PHKB: variants seen among roughly 807,000 people sequenced by gnomAD.
PHKB encodes the protein phosphorylase kinase regulatory subunit beta, also known as phosphorylase b kinase regulatory subunit beta.
In PHKB, 122 loss-of-function variants were observed where a neutral mutation model predicts 152.1. The ratio of observed to expected loss-of-function variants is 0.80; its 90% confidence interval spans 0.69 to 0.93. The LOEUF is 0.93. Ranked by LOEUF, PHKB falls within the 40% of genes least tolerant of loss-of-function variation. The pLI is 0.00. For missense variants in PHKB, 1,304 were observed against 1,328.4 expected, an observed-to-expected ratio of 0.98 and a Z score of 0.29; for synonymous variants, 436 against 464.9, an observed-to-expected ratio of 0.94 and a Z score of 0.80.
intron 18 of PHKB, among the ~76,000 whole-genome samples, chr16:47,649,569 C>T (rs1388822870): frequency 6.6e-6 from 1 of 151,906 alleles, no homozygotes; most frequent in African/African-American, 2.4e-5. Context: ...CCAGTAAAAC[C>T]TCAACTAACT....
intron 6 of PHKB, among the ~76,000 whole-genome samples, chr16:47,522,953 T>A (rs1212778838): frequency 6.6e-6 from 1 of 151,578 alleles, no homozygotes; most frequent in Non-Finnish European, 1.5e-5. Context: ...TATTGCCTTT[T>A]CAAGTCAATT....
chr16:47,571,587 G>T (rs929118045), intron 7 of PHKB, among the ~76,000 whole-genome samples: 4 of 152,128 alleles, frequency 2.6e-5, no homozygotes, highest in Non-Finnish European at 4.4e-5. Context: ...TCTCATGAAA[G>T]CCTGAGCCCA....
At chr16:47,473,238 T>TA (rs1885230269) in intron 1 of PHKB, among the ~76,000 whole-genome samples, 1 of 129,686 alleles carries the variant, frequency 7.7e-6, no homozygotes, top group African/African-American at 2.9e-5. Flanking sequence ...TTTTTTTTTT[T>TA]TTTTTTTTTT....
chr16:47,520,019 G>A (rs1970659619), intron 6 of PHKB, among the ~76,000 whole-genome samples: 1 of 151,922 alleles, frequency 6.6e-6, no homozygotes, highest in South Asian at 2.1e-4. Context: ...TTGTATGGAA[G>A]CTTTGTGTCC....
chr16:47,640,388 A>C (rs1054856413), intron 14 of PHKB, among the ~76,000 whole-genome samples: 1 of 152,236 alleles, frequency 6.6e-6, no homozygotes, highest in Non-Finnish European at 1.5e-5. Flanking sequence ...TGTATAATAC[A>C]TGTTATAGCG....
intron 26 of PHKB, among the ~76,000 whole-genome samples, chr16:47,683,911 C>T (rs1008137093): frequency 6.6e-6 from 1 of 152,158 alleles, no homozygotes; most frequent in Non-Finnish European, 1.5e-5. Context: ...GGCTCCACCT[C>T]CAATCATTTG....
chr16:47,598,748 G>A (rs1469494738), intron 13 of PHKB: 2 of 1,587,134 alleles, frequency 1.3e-6, no homozygotes, highest in Non-Finnish European at 1.7e-6. Flanking sequence ...TTTAGTTCAT[G>A]TTCAGCCTAA....
chr16:47,468,066 A>G (rs1403821343), intron 1 of PHKB, among the ~76,000 whole-genome samples: 1 of 152,206 alleles, frequency 6.6e-6, no homozygotes, highest in African/African-American at 2.4e-5. Flanking sequence ...ACTCAAGCTA[A>G]AAAGGTTATT....
chr16:47,594,026 T>G lies in PHKB; in HGVS notation c.1127-111T>G. 4.6e-6 allele frequency: 3 copies of G among 649,118 alleles called. No individual in the cohort carries two copies. In the South Asian group the frequency reaches 5.6e-5, roughly 12 times the overall value. The allele number at this position is 649,118 out of a possible 1,614,324, so 40.2% of individuals were successfully genotyped here. A position where few individuals can be genotyped will look rare whatever the true frequency, so the allele number is the denominator to read the frequency against. ...TTCCACTTTAATTTTACCATTGGCATAGAAAATTACCAAAATAATTGTAAC... is the reference window on the plus strand; with the variant it reads ...TTCCACTTTAATTTTACCATTGGCAGAGAAAATTACCAAAATAATTGTAAC... On this transcript the variant is annotated intron_variant, in intron 11 of 30. Coordinates refer to ENST00000323584, the MANE Select transcript of PHKB (RefSeq NM_000293.3).
intron 26 of PHKB, among the ~76,000 whole-genome samples, chr16:47,675,330 T>A (rs991886395): frequency 3.3e-5 from 5 of 152,130 alleles, no homozygotes; most frequent in East Asian, 1.9e-4. Context: ...AATGTGAAGA[T>A]GTTTTGCAAG....
chr16:47,694,072 A>G (rs1157676777), intron 28 of PHKB, among the ~76,000 whole-genome samples: 1 of 152,210 alleles, frequency 6.6e-6, no homozygotes, highest in Non-Finnish European at 1.5e-5. Context: ...GGAAATCACC[A>G]CTTAGGAATT....
At position 47,521,404 on chromosome 16, in the gene PHKB, A is replaced by G. The variant is rs1970683026; in HGVS notation, c.594+5803A>G. Among the ~76,000 whole-genome samples, 3 of 152,290 alleles carry G rather than the reference A, an allele frequency of 2.0e-5. No individual in the cohort carries two copies. The South Asian group carries it at 6.2e-4, about 32-fold the overall frequency. On this transcript the variant is annotated intron_variant, in intron 6 of 30. Coordinates refer to ENST00000323584, the MANE Select transcript of PHKB (RefSeq NM_000293.3). ...TGCGGTGGCTCACCCCTGTAATCCC[A>G]GCACTTAGGGAAGCCGAGGCAGGTG...
intron 14 of PHKB, among the ~76,000 whole-genome samples, chr16:47,638,213 C>T (rs1972956196): frequency 1.3e-5 from 2 of 151,904 alleles, no homozygotes; most frequent in South Asian, 4.2e-4. Context: ...AAGAACTAGC[C>T]ATATAAAAAA....
intron 6 of PHKB, among the ~76,000 whole-genome samples, chr16:47,527,721 G>T (rs1970791998): frequency 1.3e-5 from 2 of 152,122 alleles, no homozygotes; most frequent in African/African-American, 4.8e-5. Context: ...TTAAAGGTAG[G>T]GTCTTTAAAG....
At chr16:47,545,923 C>T (rs1016548841) in intron 6 of PHKB, among the ~76,000 whole-genome samples, 2 of 152,170 alleles carry the variant, frequency 1.3e-5, no homozygotes, top group Non-Finnish European at 2.9e-5. Context: ...GTTCTTGTGC[C>T]ATGGTTTTCA....
intron 6 of PHKB, among the ~76,000 whole-genome samples, chr16:47,547,226 C>T (rs141513997): frequency 1.7e-4 from 26 of 152,140 alleles, no homozygotes; most frequent in Admixed American, 5.2e-4. Context: ...TGTTCGTATT[C>T]GGCTGTCTTG....
chr16:47,480,436 GT>G (rs1435579635), intron 1 of PHKB, among the ~76,000 whole-genome samples: 1 of 152,122 alleles, frequency 6.6e-6, no homozygotes, highest in Non-Finnish European at 1.5e-5. Context: ...GGCTTTAGAA[GT>G]TCTTTTTTTC....
At chr16:47,557,472 G>A (rs1476004853) in intron 7 of PHKB, among the ~76,000 whole-genome samples, 25 of 152,176 alleles carry the variant, frequency 1.6e-4, no homozygotes, top group East Asian at 1.9e-4. Context: ...GAAAATTTTC[G>A]CAACCTACTC....
chr16:47,566,218 G>A (rs908100329), intron 7 of PHKB: 34 of 761,006 alleles, frequency 4.5e-5, no homozygotes, highest in Non-Finnish European at 6.3e-5. Flanking sequence ...GAATCATAAC[G>A]ATCTCGATAC....
Sources: allele counts gnomAD v4.1 joint callset (sites outside exome capture counted in the v4.1 genomes callset), GRCh38; gene constraint gnomAD v4.1.1; transcripts MANE v1.5; gene names NCBI Gene and HGNC (gene_info 2026-07-23, HGNC 2026-07-21).